Variants in TSPEAR observed in about 807,000 individuals in gnomAD.
TSPEAR encodes the protein thrombospondin-type laminin G domain and EAR repeat-containing protein.
In TSPEAR, 69 loss-of-function variants were observed where a neutral mutation model predicts 71.6. The observed-to-expected ratio is 0.96, with a 90% CI of 0.79 to 1.18. The LOEUF (loss-of-function observed/expected upper bound fraction) is 1.18. TSPEAR is among the 50% of genes most tolerant of loss of function. The pLI, the probability that TSPEAR is intolerant of heterozygous loss-of-function variation, is 0.00. For missense variants in TSPEAR, 971 were observed against 894.9 expected, an observed-to-expected ratio of 1.09 and a Z score of -1.09; for synonymous variants, 402 against 387.2, an observed-to-expected ratio of 1.04 and a Z score of -0.45.
At chr21:44,521,510 A>C (rs1976473) in intron 9 of TSPEAR, among the ~76,000 whole-genome samples, 24,622 of 152,186 alleles carry the variant, frequency 0.16, 2,878 homozygotes, top group African/African-American at 0.33. Flanking sequence ...GGCCCTGACG[A>C]CCATACAGAC....
chr21:44,533,964 G>C, intron 2 of TSPEAR, 41 bp from the exon 3 acceptor site: 2 of 1,491,238 alleles, frequency 1.3e-6, no homozygotes, highest in Non-Finnish European at 1.8e-6. Flanking sequence ...GCTGGGGGTA[G>C]GGGTCGGGTG....
intron 1 of TSPEAR, among the ~76,000 whole-genome samples, chr21:44,615,760 C>T (rs1211511641): frequency 1.3e-5 from 2 of 152,100 alleles, no homozygotes; most frequent in African/African-American, 2.4e-5. Context: ...ATGCAACAGT[C>T]GTATCCAAAT....
At chr21:44,549,806 T>C (rs1399221673) in intron 2 of TSPEAR, among the ~76,000 whole-genome samples, 4 of 152,336 alleles carry the variant, frequency 2.6e-5, no homozygotes, top group Middle Eastern at 3.4e-3. Context: ...CCACCGGCCC[T>C]CCGCCCACCC....
intron 1 of TSPEAR, among the ~76,000 whole-genome samples, chr21:44,691,451 C>A (rs1049904349): frequency 6.6e-6 from 1 of 152,166 alleles, no homozygotes; most frequent in Non-Finnish European, 1.5e-5. Flanking sequence ...CATCAAGGAC[C>A]TATTCATCCA....
chr21:44,677,198 A>T, intron 1 of TSPEAR: 1 of 712,908 alleles, frequency 1.4e-6, no homozygotes, highest in Middle Eastern at 2.3e-4. Context: ...TTGCATTTTC[A>T]GTCACACTTT....
chr21:44,611,862 T>A (rs1440879441), intron 1 of TSPEAR, among the ~76,000 whole-genome samples: 1 of 152,124 alleles, frequency 6.6e-6, no homozygotes, highest in Non-Finnish European at 1.5e-5. Context: ...CACAGACACC[T>A]GCAAGTGGTC....
chr21:44,700,416 G>T (rs2838648), intron 1 of TSPEAR, among the ~76,000 whole-genome samples: 83,047 of 151,668 alleles, frequency 0.55, 23,131 homozygotes, highest in Middle Eastern at 0.68. Flanking sequence ...CCTCAGCGAT[G>T]AAGGACGGGA....
intron 1 of TSPEAR, among the ~76,000 whole-genome samples, chr21:44,709,301 A>G (rs1420154062): frequency 6.6e-6 from 1 of 152,152 alleles, no homozygotes; most frequent in Non-Finnish European, 1.5e-5. Flanking sequence ...GGCTCCTTAC[A>G]AGAATCGGAA....
intron 1 of TSPEAR, chr21:44,573,629 G>A: frequency 6.8e-7 from 1 of 1,472,198 alleles, no homozygotes; most frequent in African/African-American, 1.4e-5. Flanking sequence ...AGGGCTTGCT[G>A]AGCCTCCTGT....
intron 1 of TSPEAR, among the ~76,000 whole-genome samples, chr21:44,663,850 AAAG>A (rs1213142175): frequency 9.2e-5 from 14 of 152,282 alleles, no homozygotes; most frequent in African/African-American, 3.4e-4. Flanking sequence ...TCAACAGACT[AAAG>A]AGGAAGCACC....
chr21:44,609,351 G>A (rs1981513797), intron 1 of TSPEAR, among the ~76,000 whole-genome samples: 1 of 152,154 alleles, frequency 6.6e-6, no homozygotes, highest in South Asian at 2.1e-4. Context: ...GTCATGCTAT[G>A]GCTCAAAAAT....
chr21:44,650,417 C>CGGCGGCGGCAGA (rs1555941188), intron 1 of TSPEAR, among the ~76,000 whole-genome samples: 52 of 152,148 alleles, frequency 3.4e-4, no homozygotes, highest in African/African-American at 1.2e-3. Flanking sequence ...CGCCATGTGA[C>CGGCGGCGGCAGA]GACGGCGGCA....
chr21:44,615,092 C>T (rs921587510), intron 1 of TSPEAR, among the ~76,000 whole-genome samples: 4 of 152,212 alleles, frequency 2.6e-5, no homozygotes, highest in Non-Finnish European at 5.9e-5. Flanking sequence ...GAGGCGGGGC[C>T]GTATCCTACC....
chr21:44,517,723 C>T (rs1044201691), intron 9 of TSPEAR: 41 of 470,040 alleles, frequency 8.7e-5, no homozygotes, highest in African/African-American at 3.6e-4. Context: ...CCTTGTCCTG[C>T]GGGGGCTCTG....
Position 44,697,487 on chromosome 21 carries a change from A to G in TSPEAR, c.82+13946T>C, listed in dbSNP as rs782077144. The G allele has an allele frequency of 2.6e-5, 42 of 1,612,906 alleles. No individual in the cohort carries two copies. Among genetic ancestry groups the G allele is most frequent in the African/African-American group, 1.2e-4 (9 of 74,494 alleles). On this transcript the variant is annotated intron_variant, in intron 1 of 11. Transcript: ENST00000323084. ...GTCTAGCTGCCAGCCGGCTTGCTGC[A>G]CCTCCTCCCCCTGCCAGCAGGCCTG... is the stretch of plus-strand genomic sequence containing the variant.
chr21:44,627,766 G>T lies in TSPEAR; in HGVS notation c.83-59761C>A. ...TGTCTGCTGCAAACCCATCTGCTGT[G>T]TGCCTGTCTGCTCTGGGGCTTCCTC... On this transcript the variant is annotated intron_variant, in intron 1 of 11. Coordinates refer to ENST00000323084, the MANE Select transcript of TSPEAR (RefSeq NM_144991.3). The T allele has an allele frequency of 1.9e-6, 3 of 1,599,798 alleles. No individual in the cohort carries two copies. The Middle Eastern group carries it at 5.0e-4, about 266-fold the overall frequency.
intron 1 of TSPEAR, among the ~76,000 whole-genome samples, chr21:44,622,596 G>A (rs1441156685): frequency 1.3e-5 from 2 of 152,312 alleles, no homozygotes; most frequent in East Asian, 1.9e-4. Flanking sequence ...GCTTATAGCT[G>A]CCTCATGACA....
intron 1 of TSPEAR, among the ~76,000 whole-genome samples, chr21:44,587,466 A>G (rs1979414880): frequency 6.6e-6 from 1 of 152,192 alleles, no homozygotes; most frequent in Non-Finnish European, 1.5e-5. Flanking sequence ...ATAGTGCCAA[A>G]AGCAATTCAA....
At chr21:44,541,867 T>C (rs1428236720) in intron 2 of TSPEAR, among the ~76,000 whole-genome samples, 2 of 152,222 alleles carry the variant, frequency 1.3e-5, no homozygotes, top group Non-Finnish European at 2.9e-5. Context: ...TGATCTCTTC[T>C]GGAGACAGCA....
Sources: gnomAD v4.1 joint callset for allele counts (sites outside exome capture counted in the v4.1 genomes callset) on GRCh38, gnomAD v4.1.1 for gene constraint, MANE v1.5 for transcripts, NCBI Gene and HGNC (gene_info 2026-07-23, HGNC 2026-07-21) for gene names.